Variants in FHIT observed in about 807,000 individuals in gnomAD.
The protein encoded by FHIT is fragile histidine triad diadenosine triphosphatase.
Under a neutral mutation model 17.9 loss-of-function variants are expected in FHIT, and 19 were observed. The observed-to-expected ratio is 1.06, with a 90% CI of 0.74 to 1.56. FHIT has a LOEUF of 1.56. Among genes scored for constraint, FHIT ranks in the 40% most tolerant of loss-of-function variants. FHIT has a pLI of 0.00. For synonymous variants in FHIT, 81 were observed against 69.7 expected (o/e 1.16, Z -0.81); for missense variants, 248 against 189.2 (o/e 1.31, Z -1.82).
intron 5 of FHIT, among the ~76,000 whole-genome samples, chr3:60,335,093 G>C (rs1189224079): frequency 6.6e-6 from 1 of 152,110 alleles, no homozygotes; most frequent in Non-Finnish European, 1.5e-5. Flanking sequence ...AATTGGGATA[G>C]GGTTGTTTTA....
At chr3:59,999,525 A>G (rs1385550355) in intron 7 of FHIT, among the ~76,000 whole-genome samples, 1 of 152,172 alleles carries the variant, frequency 6.6e-6, no homozygotes, top group Non-Finnish European at 1.5e-5. Flanking sequence ...TTAAGAAACA[A>G]CAATAACTGA....
At chr3:61,188,054 TA>T (rs1280460730) in intron 2 of FHIT, among the ~76,000 whole-genome samples, 4 of 152,088 alleles carry the variant, frequency 2.6e-5, no homozygotes, top group African/African-American at 9.7e-5. Flanking sequence ...ATTCAAAAGC[TA>T]GCAGAAGGCA....
chr3:60,692,550 G>A (rs1553699746), intron 4 of FHIT, among the ~76,000 whole-genome samples: 1 of 152,076 alleles, frequency 6.6e-6, no homozygotes, highest in East Asian at 1.9e-4. Context: ...AGATGAAAGG[G>A]GGCCACAAGC....
chr3:61,052,386 A>G (rs1012804431), intron 2 of FHIT, among the ~76,000 whole-genome samples: 1 of 152,156 alleles, frequency 6.6e-6, no homozygotes, highest in African/African-American at 2.4e-5. Flanking sequence ...CAGCCGGTAA[A>G]TAGCATATCC....
In FHIT at chr3:60,536,158, CA is replaced by C. The variant is rs1476332682; in HGVS notation, c.103+701del. The C allele has an allele frequency of 3.3e-5, 5 of 152,086 alleles. 1 individual carries two copies. In the East Asian group the frequency reaches 9.7e-4, roughly 29 times the overall value. 9.4% of individuals were successfully genotyped at this position (152,086 alleles called of 1,614,324 possible). A position where few individuals can be genotyped will look rare whatever the true frequency, so the allele number is the denominator to read the frequency against. On this transcript the variant is annotated intron_variant, in intron 5 of 9. Coordinates refer to ENST00000492590, the MANE Select transcript of FHIT (RefSeq NM_002012.4). Reference sequence around the variant, plus strand: ...AACAACATAAAGATAACTTCCCAAGCATTTCACCAATACTTGTTATTCCCAC... The same window carrying C: ...AACAACATAAAGATAACTTCCCAAGCTTTCACCAATACTTGTTATTCCCAC...
At chr3:60,386,828 A>G (rs1296461420) in intron 5 of FHIT, among the ~76,000 whole-genome samples, 1 of 152,120 alleles carries the variant, frequency 6.6e-6, no homozygotes, top group Admixed American at 6.5e-5. Flanking sequence ...TACATGCATC[A>G]ACTGACCTTT....
chr3:60,315,386 T>C (rs912778227), intron 5 of FHIT, among the ~76,000 whole-genome samples: 15 of 152,172 alleles, frequency 9.9e-5, no homozygotes, highest in Non-Finnish European at 1.6e-4. Flanking sequence ...ACCTAGGTCA[T>C]AAGACATGTT....
chr3:60,737,136 C>G (rs1553712815), intron 4 of FHIT, among the ~76,000 whole-genome samples: 1 of 152,182 alleles, frequency 6.6e-6, no homozygotes, highest in Admixed American at 6.5e-5. Context: ...CTGCCCCCAG[C>G]CTGGCCAGGA....
At chr3:59,809,223 A>T (rs1275054039) in intron 8 of FHIT, among the ~76,000 whole-genome samples, 1 of 152,222 alleles carries the variant, frequency 6.6e-6, no homozygotes, top group Non-Finnish European at 1.5e-5. Flanking sequence ...AGATGAGGTC[A>T]TACTGGATTA....
intron 5 of FHIT, among the ~76,000 whole-genome samples, chr3:60,345,955 C>T (rs1234832244): frequency 6.6e-6 from 1 of 152,202 alleles, no homozygotes; most frequent in Non-Finnish European, 1.5e-5. Flanking sequence ...AGGAAAATCA[C>T]TTCCACAACT....
chr3:60,386,347 T>C (rs905336270), intron 5 of FHIT, among the ~76,000 whole-genome samples: 7 of 152,164 alleles, frequency 4.6e-5, no homozygotes, highest in Non-Finnish European at 8.8e-5. Flanking sequence ...GCAGCACATT[T>C]GAGGGATTCA....
rs1368085934 is a variant in FHIT at position 60,228,959 on chromosome 3, A to T, written c.104-214807T>A. Among the ~76,000 whole-genome samples, 3 of 152,206 alleles carry T rather than the reference A, an allele frequency of 2.0e-5. 1 individual carries two copies. Among genetic ancestry groups the T allele is most frequent in the Non-Finnish European group, 4.4e-5 (3 of 68,036 alleles). The stretch of plus-strand genomic sequence containing the variant: ...TAAAGGGCAAGGAAGTTGCTGAGCC[A>T]CTAAGTGGCAGAGGTGAGATTCGAG... On this transcript the variant is annotated intron_variant, in intron 5 of 9. Transcript: ENST00000492590.
intron 2 of FHIT, among the ~76,000 whole-genome samples, chr3:61,124,459 T>C (rs540148714): frequency 1.3e-5 from 2 of 152,228 alleles, no homozygotes; most frequent in East Asian, 3.9e-4. Flanking sequence ...CTAATTGTAG[T>C]GTTTGTCAGT....
intron 5 of FHIT, among the ~76,000 whole-genome samples, chr3:60,297,240 C>G (rs116608194): frequency 0.013 from 1,986 of 152,116 alleles, 40 homozygotes; most frequent in African/African-American, 0.043. Context: ...GGAGAACTGA[C>G]ATATTTACTA....
At chr3:60,542,398 C>G (rs549515019) in intron 4 of FHIT, among the ~76,000 whole-genome samples, 3 of 152,202 alleles carry the variant, frequency 2.0e-5, no homozygotes, top group Admixed American at 2.0e-4. Flanking sequence ...CCAGCTTGCA[C>G]GCCCAGCAGC....
chr3:60,673,524 T>TG (rs2040555851), intron 4 of FHIT, among the ~76,000 whole-genome samples: 2 of 150,524 alleles, frequency 1.3e-5, no homozygotes, highest in South Asian at 4.3e-4. Context: ...TGGGGTGGGA[T>TG]GGGGGGCAGC....
intron 5 of FHIT, among the ~76,000 whole-genome samples, chr3:60,449,893 C>T (rs1407213978): frequency 2.0e-5 from 3 of 150,386 alleles, no homozygotes; most frequent in Non-Finnish European, 2.9e-5. Flanking sequence ...GTCCCAGCTA[C>T]TCAGGAGGCT....
chr3:59,968,830 T>C (rs919872785), intron 7 of FHIT, among the ~76,000 whole-genome samples: 5 of 152,186 alleles, frequency 3.3e-5, no homozygotes, highest in African/African-American at 9.6e-5. Flanking sequence ...ATGCTAGAGT[T>C]AAACAAAGCT....
Position 60,114,001 on chromosome 3 carries a change from C to CA in FHIT, c.104-99850_104-99849insT, listed in dbSNP as rs1559644017. Among the ~76,000 whole-genome samples the CA allele has an allele frequency of 5.4e-3, 96 of 17,920 alleles. 46 individuals carry two copies. The highest frequency in any genetic ancestry group is 0.016 in the Admixed American group (8 of 514). The allele number at this position is 17,920 out of a possible 152,430, so 11.8% of individuals were successfully genotyped here. On this transcript the variant is annotated intron_variant, in intron 5 of 9. Transcript: ENST00000492590. ...TGGGCAATAGAACAAGACCCCGTCTCCAAAAAAAAAAAAAAAAAAAAAAAA... is the reference window on the plus strand; with the variant it reads ...TGGGCAATAGAACAAGACCCCGTCTCACAAAAAAAAAAAAAAAAAAAAAAAA...
Sources: allele counts gnomAD v4.1 joint callset (sites outside exome capture counted in the v4.1 genomes callset), GRCh38; gene constraint gnomAD v4.1.1; transcripts MANE v1.5; gene names NCBI Gene and HGNC (gene_info 2026-07-23, HGNC 2026-07-21).